Variants in ACACA observed in about 807,000 individuals in gnomAD.
ACACA encodes acetyl-CoA carboxylase 1.
ACACA carries 103 observed loss-of-function variants against 296.1 expected under a neutral mutation model. The observed-to-expected ratio is 0.35, with a 90% CI of 0.30 to 0.41. The LOEUF is 0.41. ACACA is among the 10% of genes least tolerant of loss of function. The pLI, the probability that ACACA is intolerant of heterozygous loss-of-function variation, is 1.00. For missense variants in ACACA, 1,554 were observed against 2,989.7 expected, an observed-to-expected ratio of 0.52 and a Z score of 11.20; for synonymous variants, 953 against 1,038.6, an observed-to-expected ratio of 0.92 and a Z score of 1.58.
chr17:37,336,517 C>T (rs2048126252), intron 2 of ACACA, among the ~76,000 whole-genome samples: 1 of 152,086 alleles, frequency 6.6e-6, no homozygotes, highest in African/African-American at 2.4e-5. Context: ...TAGGCAAAAA[C>T]AGGAGATAAA....
At chr17:37,377,770 T>C in intron 1 of ACACA, 3 of 738,112 alleles carry the variant, frequency 4.1e-6, no homozygotes, top group Non-Finnish European at 6.6e-6. Flanking sequence ...GGAACTGCAA[T>C]CTTTCATATC....
Position 37,406,631 on chromosome 17 carries a change from A to C in ACACA, c.-332T>G, listed in dbSNP as rs2051524141. 2 of 514,356 alleles carry C rather than the reference A, an allele frequency of 3.9e-6. No individual in the cohort carries two copies. The highest frequency in any genetic ancestry group is 6.5e-5 in the Admixed American group (2 of 30,628). 31.9% of individuals were successfully genotyped at this position (514,356 alleles called of 1,614,324 possible). A position where few individuals can be genotyped will look rare whatever the true frequency, so the allele number is the denominator to read the frequency against. ...GACCAAACAGCCCCACGCGCCAGGA[A>C]GCCTCAGGCAACGGGCCACGCGCCA... On this transcript the variant is annotated 5_prime_UTR_variant, in exon 1 of 56. Coordinates refer to ENST00000616317, the MANE Select transcript of ACACA (RefSeq NM_198834.3).
chr17:37,097,096 A>C lies in ACACA; in HGVS notation c.6791T>G (p.Leu2264Arg). Reference protein sequence around the residue: ...WRLRRLLLEDLVKKKIHNANP... With the variant: ...WRLRRLLLEDRVKKKIHNANP... ...GGCATTGTGGATTTTCTTCTTGACC[A>C]GGTCCTCCAGCAGAAGACGCCTCAG... The change falls in exon 54 of 56, where the codon CTG (leucine) becomes CGG (arginine). Residue 2264 changes from leucine to arginine, a missense_variant. Physicochemically the swap from Leu to Arg is moderately radical, Grantham distance 102. This residue lies in a region of ACACA where 553 missense variants were observed against 1,043.6 expected (regional missense o/e 0.53). Coordinates refer to ENST00000616317, the MANE Select transcript of ACACA (RefSeq NM_198834.3). The surrounding 1 kb of genome is among the most constrained non-coding windows in gnomAD (Gnocchi z 4.8). 1.9e-6 allele frequency: 3 copies of C among 1,614,102 alleles called. No homozygotes were observed. Among genetic ancestry groups the C allele is most frequent in the Non-Finnish European group, 1.7e-6 (2 of 1,180,030 alleles).
At chr17:37,318,336 G>A (rs973560006) in intron 3 of ACACA, among the ~76,000 whole-genome samples, 3 of 152,106 alleles carry the variant, frequency 2.0e-5, no homozygotes, top group South Asian at 2.1e-4. Context: ...TCCACCTCCC[G>A]GGTTCAAGCA....
chr17:37,394,263 T>G (rs1016681335), intron 1 of ACACA, among the ~76,000 whole-genome samples: 1 of 151,334 alleles, frequency 6.6e-6, no homozygotes, highest in Non-Finnish European at 1.5e-5. Flanking sequence ...CAGGCTGGAG[T>G]GCAATGGTTC....
Position 37,252,887 on chromosome 17 carries a change from T to G in ACACA, c.1976A>C (p.Gln659Pro). The change falls in exon 15 of 56, where the codon CAG becomes CCG. Residue 659 changes from glutamine to proline, a missense_variant and splice_region_variant. Gln to Pro is a moderately conservative substitution (Grantham distance 76). Around this residue, in one of 16 missense-constraint regions of ACACA, gnomAD observed 316 missense variants for 540.9 expected, o/e 0.58. Coordinates refer to ENST00000616317, the MANE Select transcript of ACACA (RefSeq NM_198834.3). ...WLDRLIAEKVQAERPDTMLGV... is the reference protein window; with the variant it reads ...WLDRLIAEKVPAERPDTMLGV... ...ATCTGTTTGTGGAGAAATACACACCTGTACTTTTTCTGCTATCAGTCTGTC... is the reference window on the plus strand; with the variant it reads ...ATCTGTTTGTGGAGAAATACACACCGGTACTTTTTCTGCTATCAGTCTGTC... 1 of 1,614,150 alleles carries G rather than the reference T, an allele frequency of 6.2e-7. No homozygotes were observed. The highest frequency in any genetic ancestry group is 8.5e-7 in the Non-Finnish European group (1 of 1,180,020).
At chr17:37,162,674 C>A in intron 41 of ACACA, 3 of 284,664 alleles carry the variant, frequency 1.1e-5, no homozygotes, top group East Asian at 1.4e-4. Flanking sequence ...CTGCCCACCC[C>A]CAAATGCCAC....
rs1345046051 is a variant in ACACA at position 37,085,682 on chromosome 17, A to AT, written c.*1633dup. The AT allele has an allele frequency of 5.0e-6, 2 of 399,134 alleles. No homozygotes were observed. Among genetic ancestry groups the AT allele is most frequent in the Non-Finnish European group, 8.8e-6 (2 of 226,188 alleles). 24.7% of individuals were successfully genotyped at this position (399,134 alleles called of 1,614,324 possible). On this transcript the variant is annotated 3_prime_UTR_variant, in exon 56 of 56. Coordinates refer to ENST00000616317, the MANE Select transcript of ACACA (RefSeq NM_198834.3). Reference sequence around the variant, plus strand: ...CTGACTCCTGGGGGCTGTCCGCTCCATACCCAGCCATACAGTGCCCACCTG... The same window carrying AT: ...CTGACTCCTGGGGGCTGTCCGCTCCATTACCCAGCCATACAGTGCCCACCTG...
At chr17:37,332,797 C>T (rs2047944315) in intron 2 of ACACA, among the ~76,000 whole-genome samples, 1 of 151,508 alleles carries the variant, frequency 6.6e-6, no homozygotes, top group African/African-American at 2.4e-5. Context: ...ATAATCCCAG[C>T]TACTCGGGAG....
At chr17:37,283,520 CA>C in intron 4 of ACACA, 115 bp from the exon 5 acceptor site, 2 of 1,312,236 alleles carry the variant, frequency 1.5e-6, no homozygotes, top group South Asian at 2.7e-5. Flanking sequence ...GTCATACTTT[CA>C]ACCAAGAATT....
In ACACA at chr17:37,235,054, C is replaced by T. The variant is rs2080044160; in HGVS notation, c.3167G>A (p.Ser1056Asn). The T allele has an allele frequency of 6.2e-7, 1 of 1,613,702 alleles. No homozygotes were observed. Among genetic ancestry groups the T allele is most frequent in the Non-Finnish European group, 8.5e-7 (1 of 1,179,932 alleles). Residue 1056 changes from serine to asparagine, a missense_variant, in exon 25 of 56, where the codon AGT becomes AAT. This residue lies in a region of ACACA where 316 missense variants were observed against 540.9 expected (regional missense o/e 0.58). Transcript: ENST00000616317. ...GTAGTTCAGTACAGTGTTCATGTCA[C>T]TTTTATTCTCTTCTCGGAGGGCGAA... ...CVFALREENK[S>N]DMNTVLNYIF... is the part of the protein sequence containing the mutation.
chr17:37,365,058 C>T (rs1054908067), intron 1 of ACACA, among the ~76,000 whole-genome samples: 8 of 152,068 alleles, frequency 5.3e-5, no homozygotes, highest in African/African-American at 1.7e-4. Flanking sequence ...CTGCAACCTC[C>T]GCCTCCCGGG....
At chr17:37,370,018 T>C (rs1355818972) in intron 1 of ACACA, among the ~76,000 whole-genome samples, 4 of 150,694 alleles carry the variant, frequency 2.7e-5, no homozygotes, top group African/African-American at 7.3e-5. Flanking sequence ...TCCTTTTTTT[T>C]TTTTTTTTGA....
At chr17:37,098,085 C>T (rs1383354876) in intron 52 of ACACA, 101 bp from the exon 53 acceptor site, 4 of 1,448,682 alleles carry the variant, frequency 2.8e-6, no homozygotes, top group East Asian at 4.5e-5. Flanking sequence ...AGCCTGCCCC[C>T]TCTTCCCTCT....
chr17:37,088,903 T>C, intron 55 of ACACA, 35 bp downstream of exon 55: 1 of 1,613,008 alleles, frequency 6.2e-7, no homozygotes, highest in Non-Finnish European at 8.5e-7. Flanking sequence ...AAATTAGCCC[T>C]CCTTCTCTAG....
intron 16 of ACACA, 61 bp downstream of exon 16, chr17:37,251,944 T>A: frequency 6.8e-7 from 1 of 1,463,034 alleles, no homozygotes; most frequent in South Asian, 1.1e-5. Context: ...GTCTTTGAGC[T>A]TCAGTCCCTG....
intron 1 of ACACA, among the ~76,000 whole-genome samples, chr17:37,371,661 A>G (rs2049810829): frequency 6.6e-6 from 1 of 152,054 alleles, no homozygotes; most frequent in Admixed American, 6.6e-5. Context: ...GCACTTTGGG[A>G]GGCTGAGGCG....
rs1209816358 is a variant in ACACA, at chr17:37,097,520, G to A, written c.6720+310C>T. Among the ~76,000 whole-genome samples the A allele has an allele frequency of 2.0e-5, 3 of 152,138 alleles. No homozygotes were observed. The highest frequency in any genetic ancestry group is 4.8e-5 in the African/African-American group (2 of 41,420). ...ATCAATTATTAATTAGCTGCTGCGG[G>A]AGCCTTGACCCTATAGTAACCCACA... On this transcript the variant is annotated intron_variant, in intron 53 of 55. Transcript: ENST00000616317. The surrounding 1 kb of genome is among the most constrained non-coding windows in gnomAD (Gnocchi z 4.8).
At chr17:37,194,052 AC>A (rs1820406417) in intron 35 of ACACA, among the ~76,000 whole-genome samples, 1 of 152,148 alleles carries the variant, frequency 6.6e-6, no homozygotes, top group Non-Finnish European at 1.5e-5. Context: ...ACAAAAAAAA[AC>A]CCAATTTACT....
Sources: gnomAD v4.1 joint callset for allele counts (sites outside exome capture counted in the v4.1 genomes callset) on GRCh38, gnomAD v4.1.1 for gene constraint, gnomAD v4.1.1 regional missense constraint, Gnocchi (gnomAD v3.1) non-coding constraint, MANE v1.5 for transcripts, NCBI Gene and HGNC (gene_info 2026-07-23, HGNC 2026-07-21) for gene names.